CYP2C19: variants seen among roughly 807,000 people sequenced by gnomAD.
CYP2C19 encodes cytochrome P450 2C19.
Under a neutral mutation model 40.9 loss-of-function variants are expected in CYP2C19, and 59 were observed. The observed-to-expected ratio is 1.44, with a 90% CI of 1.17 to 1.79. The LOEUF is 1.79. Among genes scored for constraint, CYP2C19 ranks in the 40% most tolerant of loss-of-function variants. The pLI is 0.00. For synonymous variants in CYP2C19, 253 were observed against 208.7 expected, an observed-to-expected ratio of 1.21 and a Z score of -1.83; for missense variants, 754 against 596.9, an observed-to-expected ratio of 1.26 and a Z score of -2.74.
chr10:94,848,004 A>C (rs1374584707), intron 7 of CYP2C19, among the ~76,000 whole-genome samples: 1 of 152,100 alleles, frequency 6.6e-6, no homozygotes, highest in Non-Finnish European at 1.5e-5. Flanking sequence ...TAGATTGCAA[A>C]AATTTTCTCC....
At chr10:94,837,279 A>C (rs1849419138) in intron 6 of CYP2C19, among the ~76,000 whole-genome samples, 1 of 152,066 alleles carries the variant, frequency 6.6e-6, no homozygotes. Context: ...GGTCCTTAAC[A>C]ATCTTTTGGA....
chr10:94,775,338 T>A, intron 2 of CYP2C19, 52 bp from the exon 3 acceptor site: 1 of 1,612,576 alleles, frequency 6.2e-7, no homozygotes, highest in Non-Finnish European at 8.5e-7. Flanking sequence ...AGTGTCAGCT[T>A]CCTCTTTCTT....
At chr10:94,791,281 G>A (rs905627140) in intron 5 of CYP2C19, among the ~76,000 whole-genome samples, 1 of 151,906 alleles carries the variant, frequency 6.6e-6, no homozygotes, top group African/African-American at 2.4e-5. Context: ...ATTTTTGCTA[G>A]CAGTCTATCA....
chr10:94,845,917 GTATA>G (rs1008701818), intron 7 of CYP2C19, among the ~76,000 whole-genome samples: 8 of 151,956 alleles, frequency 5.3e-5, no homozygotes, highest in African/African-American at 1.7e-4. Flanking sequence ...ATGGCAGTGT[GTATA>G]TATATCTACT....
Position 94,775,431 on chromosome 10 carries a change from C to T in CYP2C19, c.373C>T (p.Arg125Cys), listed in dbSNP as rs200150287. ...SNGKRWKEIRRFSLMTLRNFG... is the reference protein window; with the variant it reads ...SNGKRWKEIRCFSLMTLRNFG... ...TGGAAAGAGATGGAAGGAGATCCGG[C>T]GTTTCTCCCTCATGACGCTGCGGAA... is the stretch of plus-strand genomic sequence containing the variant. Residue 125 changes from arginine to cysteine, a missense_variant, in exon 3 of 9, where the codon CGT (arginine) becomes TGT (cysteine). By Grantham distance (180) the Arg-to-Cys change is radical (BLOSUM62 -3). Coordinates refer to ENST00000371321, the MANE Select transcript of CYP2C19 (RefSeq NM_000769.4). 23 of 1,614,032 alleles carry T rather than the reference C, an allele frequency of 1.4e-5. No individual in the cohort carries two copies. The highest frequency in any genetic ancestry group is 1.7e-4 in the Middle Eastern group (1 of 6,060).
At chr10:94,837,140 A>G (rs1849417055) in intron 6 of CYP2C19, among the ~76,000 whole-genome samples, 1 of 152,230 alleles carries the variant, frequency 6.6e-6, no homozygotes, top group Admixed American at 6.5e-5. Context: ...AGCTGGGTAT[A>G]GAGGGACAAC....
chr10:94,838,448 A>G (rs947000026), intron 6 of CYP2C19, among the ~76,000 whole-genome samples: 11 of 152,218 alleles, frequency 7.2e-5, no homozygotes, highest in African/African-American at 2.4e-4. Context: ...TAAAACATCA[A>G]TATAGCCATC....
intron 6 of CYP2C19, among the ~76,000 whole-genome samples, chr10:94,829,500 C>T (rs915269894): frequency 2.0e-5 from 3 of 152,198 alleles, no homozygotes; most frequent in Non-Finnish European, 4.4e-5. Flanking sequence ...TGGTTTTCAG[C>T]TCCATAAGCT....
In CYP2C19 at chr10:94,762,780, G is replaced by C. The variant is rs764565665; in HGVS notation, c.75G>C (p.Gly25=). Reference sequence around the variant, plus strand: ...TTTCAATCTGGAGACAGAGCTCTGGGAGAGGAAAACTCCCTCCTGGCCCCA... The same window carrying C: ...TTTCAATCTGGAGACAGAGCTCTGGCAGAGGAAAACTCCCTCCTGGCCCCA... ...LLLSIWRQSS[G]RGKLPPGPTP... Residue 25 remains glycine, a synonymous_variant, in exon 1 of 9, where the codon GGG becomes GGC. Transcript: ENST00000371321. The C allele has an allele frequency of 7.4e-6, 12 of 1,613,892 alleles. No individual in the cohort carries two copies. Among genetic ancestry groups the C allele is most frequent in the Non-Finnish European group, 9.3e-6 (11 of 1,179,880 alleles).
At chr10:94,771,608 G>T (rs1848332327) in intron 1 of CYP2C19, among the ~76,000 whole-genome samples, 2 of 152,060 alleles carry the variant, frequency 1.3e-5, no homozygotes, top group South Asian at 4.2e-4. Context: ...TGGTCCCAAT[G>T]GCTTAGGATG....
intron 1 of CYP2C19, among the ~76,000 whole-genome samples, chr10:94,763,469 G>C (rs1312732619): frequency 6.6e-6 from 1 of 152,108 alleles, no homozygotes; most frequent in Non-Finnish European, 1.5e-5. Context: ...TAGAAAGAGG[G>C]TTAGAAGATG....
rs745612717 is a variant in CYP2C19, at chr10:94,855,064, G to T, written c.*2150G>T. Among the ~76,000 whole-genome samples the T allele has an allele frequency of 1.3e-5, 2 of 152,058 alleles. No individual in the cohort carries two copies. The highest frequency in any genetic ancestry group is 4.8e-5 in the African/African-American group (2 of 41,408). On this transcript the variant is annotated 3_prime_UTR_variant, in exon 9 of 9. Transcript: ENST00000371321. ...ATAATCTGTTTTCCTGCCTATTTCA[G>T]CTCCTAAAGGCTGCCTGCATTCCTT...
At chr10:94,800,968 C>T (rs951776666) in intron 5 of CYP2C19, among the ~76,000 whole-genome samples, 7 of 152,202 alleles carry the variant, frequency 4.6e-5, no homozygotes, top group Non-Finnish European at 7.3e-5. Flanking sequence ...TAACACCTTG[C>T]ACTTCCTGGG....
chr10:94,830,522 G>A (rs1352344020), intron 6 of CYP2C19, among the ~76,000 whole-genome samples: 1 of 152,118 alleles, frequency 6.6e-6, no homozygotes, highest in Non-Finnish European at 1.5e-5. Flanking sequence ...GCTCCCGCAG[G>A]GTGCACGCAC....
At chr10:94,832,502 T>C (rs1849350108) in intron 6 of CYP2C19, among the ~76,000 whole-genome samples, 1 of 152,180 alleles carries the variant, frequency 6.6e-6, no homozygotes, top group South Asian at 2.1e-4. Context: ...TTATTACAAT[T>C]CAAGATGAGA....
chr10:94,837,737 T>C (rs1589374475), intron 6 of CYP2C19, among the ~76,000 whole-genome samples: 2 of 152,188 alleles, frequency 1.3e-5, no homozygotes, highest in Middle Eastern at 6.8e-3. Context: ...TGGCCCTCAA[T>C]GGTCAAGCAT....
chr10:94,799,078 T>C (rs898242139), intron 5 of CYP2C19, among the ~76,000 whole-genome samples: 6 of 152,084 alleles, frequency 3.9e-5, no homozygotes, highest in Non-Finnish European at 7.4e-5. Context: ...TGTTAGTTGA[T>C]GCAGTTTTTT....
intron 6 of CYP2C19, among the ~76,000 whole-genome samples, chr10:94,827,217 G>A (rs562100984): frequency 1.3e-5 from 2 of 151,898 alleles, no homozygotes; most frequent in African/African-American, 2.4e-5. Context: ...CTATTGATTG[G>A]AATAGTTTTA....
intron 1 of CYP2C19, 89 bp downstream of exon 1, chr10:94,762,962 C>A: frequency 7.4e-7 from 1 of 1,344,882 alleles, no homozygotes; most frequent in Non-Finnish European, 1.1e-6. Context: ...TACAATGTTA[C>A]AAGAGATCAT....
Sources: allele counts gnomAD v4.1 joint callset (sites outside exome capture counted in the v4.1 genomes callset), GRCh38; gene constraint gnomAD v4.1.1; transcripts MANE v1.5; gene names NCBI Gene and HGNC (gene_info 2026-07-23, HGNC 2026-07-21).